The following KHDRBS2 variants were observed in gnomAD, a reference collection of about 807,000 sequenced individuals.
KHDRBS2 encodes the protein KH domain-containing, RNA-binding, signal transduction-associated protein 2.
In KHDRBS2, 26 loss-of-function variants were observed where a neutral mutation model predicts 44.3. The observed-to-expected ratio is 0.59, with a 90% CI of 0.43 to 0.81. The LOEUF is 0.81. Ranked by LOEUF, KHDRBS2 falls within the 40% of genes least tolerant of loss-of-function variation. The pLI is 0.00. For missense variants in KHDRBS2, 476 were observed against 433.1 expected, an observed-to-expected ratio of 1.10 and a Z score of -0.88; for synonymous variants, 194 against 151.1, an observed-to-expected ratio of 1.28 and a Z score of -2.08.
At chr6:62,080,267 T>C (rs1797139930) in intron 2 of KHDRBS2, among the ~76,000 whole-genome samples, 1 of 152,134 alleles carries the variant, frequency 6.6e-6, no homozygotes, top group Non-Finnish European at 1.5e-5. Flanking sequence ...ATACATTATT[T>C]TACTTAGTTC....
rs1297872603 is a variant in KHDRBS2 at position 62,037,748 on chromosome 6, C to T, written c.336+10130G>A. ...GATGCTAGCAATTACATACCTATAG[C>T]TAAAGGATTCCTTATCTGGAAAAAG... is the stretch of plus-strand genomic sequence containing the variant. On this transcript the variant is annotated intron_variant, in intron 3 of 8. Coordinates refer to ENST00000281156, the MANE Select transcript of KHDRBS2 (RefSeq NM_152688.4). Among the ~76,000 whole-genome samples, 4 of 151,880 alleles carry T rather than the reference C, an allele frequency of 2.6e-5. No individual in the cohort carries two copies. The East Asian group carries it at 7.7e-4, about 29-fold the overall frequency.
At chr6:62,271,480 A>G (rs559973001) in intron 1 of KHDRBS2, among the ~76,000 whole-genome samples, 44 of 152,344 alleles carry the variant, frequency 2.9e-4, no homozygotes, top group African/African-American at 9.9e-4. Context: ...GTTATTTTAG[A>G]ATATGCTCCT....
intron 7 of KHDRBS2, among the ~76,000 whole-genome samples, chr6:61,726,984 A>T (rs942686724): frequency 6.6e-6 from 1 of 152,184 alleles, no homozygotes; most frequent in African/African-American, 2.4e-5. Flanking sequence ...AAGCAAAGAG[A>T]ACAAAGCTGG....
chr6:62,090,587 A>AT (rs1022095468), intron 2 of KHDRBS2, among the ~76,000 whole-genome samples: 14 of 151,552 alleles, frequency 9.2e-5, no homozygotes, highest in South Asian at 6.3e-4. Context: ...TACTTATTTA[A>AT]TTTTTTTTAA....
At chr6:61,832,137 G>C (rs1169239080) in intron 6 of KHDRBS2, among the ~76,000 whole-genome samples, 1 of 152,164 alleles carries the variant, frequency 6.6e-6, no homozygotes, top group Non-Finnish European at 1.5e-5. Context: ...AGGAGGCTGA[G>C]GCAGGAGGAT....
In KHDRBS2 at chr6:62,254,493, T is replaced by C. The variant is rs567701751; in HGVS notation, c.91+31365A>G. The stretch of plus-strand genomic sequence containing the variant: ...ATTTATACCATCCACAGAAAACCAC[T>C]CTGTGCTGAGGCAAGAATGATAAGA... On this transcript the variant is annotated intron_variant, in intron 1 of 8. Coordinates refer to ENST00000281156, the MANE Select transcript of KHDRBS2 (RefSeq NM_152688.4). Among the ~76,000 whole-genome samples, 5 of 152,160 alleles carry C rather than the reference T, an allele frequency of 3.3e-5. No individual in the cohort carries two copies. The South Asian group carries it at 1.0e-3, about 32-fold the overall frequency.
At position 61,981,709 on chromosome 6, in the gene KHDRBS2, A is replaced by G. The variant is rs1160663860; in HGVS notation, c.337-3497T>C. Among the ~76,000 whole-genome samples, 3 of 152,160 alleles carry G rather than the reference A, an allele frequency of 2.0e-5. No individual in the cohort carries two copies. In the East Asian group the frequency reaches 5.8e-4, roughly 29 times the overall value. On this transcript the variant is annotated intron_variant, in intron 3 of 8. Transcript: ENST00000281156. ...CCAAACCAACTTAGATTTTTCAGAG[A>G]GCCCCTGGAAAATCTCTAAGGATTC...
At chr6:61,732,074 G>C (rs1054712072) in intron 7 of KHDRBS2, among the ~76,000 whole-genome samples, 1 of 152,024 alleles carries the variant, frequency 6.6e-6, no homozygotes, top group South Asian at 2.1e-4. Context: ...ACAGTAGTTT[G>C]CATCTGCCAA....
At chr6:61,848,469 T>TTATATATATATACGTATATATATACATA (rs1794739828) in intron 6 of KHDRBS2, among the ~76,000 whole-genome samples, 1 of 73,700 alleles carries the variant, frequency 1.4e-5, no homozygotes, top group African/African-American at 6.7e-5. Context: ...AATGGAGGTT[T>TTATATATATATACGTATATATATACATA]TATATATATA....
At chr6:61,930,546 G>GAAAAAAAAAAAAAAAAAAAAAAAA (rs1439236595) in intron 4 of KHDRBS2, among the ~76,000 whole-genome samples, 3 of 47,572 alleles carry the variant, frequency 6.3e-5, no homozygotes, top group Middle Eastern at 0.025. Context: ...AAAAAAAAAA[G>GAAAAAAAAAAAAAAAAAAAAAAAA]AAAAAAAAAA....
chr6:61,866,434 C>T (rs1041574583), intron 6 of KHDRBS2, among the ~76,000 whole-genome samples: 10 of 152,338 alleles, frequency 6.6e-5, no homozygotes, highest in Non-Finnish European at 1.0e-4. Context: ...CACCAAGTCC[C>T]TAGGCTGCAC....
intron 5 of KHDRBS2, among the ~76,000 whole-genome samples, chr6:61,895,374 T>C (rs2127334816): frequency 6.6e-6 from 1 of 152,340 alleles, no homozygotes; most frequent in East Asian, 1.9e-4. Flanking sequence ...CATAGTGATA[T>C]CATTCTGTTT....
chr6:61,991,376 G>A (rs965811781), intron 3 of KHDRBS2, among the ~76,000 whole-genome samples: 1 of 152,092 alleles, frequency 6.6e-6, no homozygotes, highest in Non-Finnish European at 1.5e-5. Flanking sequence ...GTTGGGTCCT[G>A]TTTTCTATTT....
chr6:61,741,506 T>C (rs1338732612), intron 6 of KHDRBS2, among the ~76,000 whole-genome samples: 1 of 151,986 alleles, frequency 6.6e-6, no homozygotes, highest in African/African-American at 2.4e-5. Context: ...AGGGGGTACA[T>C]GTTGACTTTT....
At chr6:61,771,194 C>A (rs1463157092) in intron 6 of KHDRBS2, among the ~76,000 whole-genome samples, 1 of 152,160 alleles carries the variant, frequency 6.6e-6, no homozygotes, top group Admixed American at 6.5e-5. Flanking sequence ...AAGCACTAAA[C>A]ATGGAAAGGA....
intron 5 of KHDRBS2, among the ~76,000 whole-genome samples, chr6:61,895,122 GA>G (rs59793779): frequency 0.13 from 15,500 of 115,762 alleles, 856 homozygotes; most frequent in African/African-American, 0.19. Flanking sequence ...CCCAAAGCCA[GA>G]AAAAAAAAAA....
the KHDRBS2 span, among the ~76,000 whole-genome samples, chr6:61,645,471 A>G: frequency 6.6e-6 from 1 of 151,832 alleles, no homozygotes; most frequent in African/African-American, 2.4e-5. Flanking sequence ...CCTAAAAAAA[A>G]AAATTTAAAA....
At chr6:61,847,622 A>G (rs1794603003) in intron 6 of KHDRBS2, among the ~76,000 whole-genome samples, 1 of 150,866 alleles carries the variant, frequency 6.6e-6, no homozygotes, top group South Asian at 2.1e-4. Context: ...CTGCTTAGCT[A>G]TATAAAACAG....
At chr6:61,558,992 G>C in the KHDRBS2 span, among the ~76,000 whole-genome samples, 1 of 152,066 alleles carries the variant, frequency 6.6e-6, no homozygotes, top group Non-Finnish European at 1.5e-5. Context: ...TGGTGGATCT[G>C]TCCAGTGCTG....
Sources: allele counts gnomAD v4.1 joint callset (sites outside exome capture counted in the v4.1 genomes callset), GRCh38; gene constraint gnomAD v4.1.1; transcripts MANE v1.5; gene names NCBI Gene and HGNC (gene_info 2026-07-23, HGNC 2026-07-21).